Variants in TENM1 observed in about 807,000 individuals in gnomAD.
TENM1 encodes teneurin transmembrane protein 1.
A neutral mutation model predicts 174.8 loss-of-function variants in TENM1; 35 were observed. The ratio of observed to expected loss-of-function variants is 0.20; its 90% CI spans 0.15 to 0.27. The LOEUF (loss-of-function observed/expected upper bound fraction) is 0.27. Ranked by LOEUF, TENM1 falls within the 10% of genes least tolerant of loss-of-function variation. The probability of loss-of-function intolerance (pLI) is 1.00; values close to 1 mark genes in which losing one functional copy is unlikely to be tolerated. For missense variants in TENM1, 1,633 were observed against 2,130.1 expected (o/e 0.77, Z 4.59); for synonymous variants, 781 against 798.7 (o/e 0.98, Z 0.37).
chrX:125,048,206 C>T, the TENM1 span, among the ~76,000 whole-genome samples: 1 of 108,733 alleles, frequency 9.2e-6, no homozygotes, highest in African/African-American at 3.4e-5. Flanking sequence ...TTCCCCTTTG[C>T]CTTTAGGAGT....
chrX:124,515,382 C>T (rs1802510539), intron 18 of TENM1, among the ~76,000 whole-genome samples: 1 of 111,297 alleles, frequency 9.0e-6, no homozygotes, highest in African/African-American at 3.3e-5. Context: ...TAAAAGGCAT[C>T]CAAATAGGAA....
intron 6 of TENM1, among the ~76,000 whole-genome samples, chrX:124,660,823 T>G (rs111816300): frequency 0.013 from 1,492 of 112,124 alleles, 25 homozygotes; most frequent in African/African-American, 0.045. Context: ...TGAAGAACTG[T>G]TAAACATAAA....
At chrX:125,067,814 T>C in the TENM1 span, among the ~76,000 whole-genome samples, 2 of 112,180 alleles carry the variant, frequency 1.8e-5, no homozygotes, top group African/African-American at 3.2e-5. Flanking sequence ...CTAATTCAAC[T>C]CTTTATACTC....
At chrX:124,389,992 G>A (rs180763111) in intron 28 of TENM1, among the ~76,000 whole-genome samples, 179 of 111,652 alleles carry the variant, frequency 1.6e-3, no homozygotes, top group African/African-American at 5.6e-3. Context: ...CAAATAAGCT[G>A]GTTTGTCTCA....
At chrX:125,017,173 G>A in the TENM1 span, among the ~76,000 whole-genome samples, 3 of 111,965 alleles carry the variant, frequency 2.7e-5, no homozygotes, top group Non-Finnish European at 3.8e-5. Context: ...TCATGGCTAA[G>A]ACACCAAAAG....
intron 21 of TENM1, among the ~76,000 whole-genome samples, chrX:124,484,840 A>AT (rs11378666): frequency 0.088 from 9,692 of 109,880 alleles, 605 homozygotes; most frequent in African/African-American, 0.2. Context: ...TGTAAGCACT[A>AT]TTTTTTTTCC....
intron 5 of TENM1, among the ~76,000 whole-genome samples, chrX:124,675,085 G>A (rs192845704): frequency 0.051 from 5,683 of 111,587 alleles, 343 homozygotes; most frequent in African/African-American, 0.17. Flanking sequence ...GACAGATAAA[G>A]AGGTATGGGC....
intron 23 of TENM1, among the ~76,000 whole-genome samples, chrX:124,423,200 C>A (rs1486100758): frequency 8.9e-6 from 1 of 112,290 alleles, no homozygotes. Flanking sequence ...TGCAACAGGA[C>A]CTGCTATTAG....
Position 124,376,573 on chromosome X carries a change from AGTATTTTCAGTTACT to A in TENM1, c.*3948_*3962del, listed in dbSNP as rs1409489087. The A allele has an allele frequency of 9.8e-5, 11 of 112,155 alleles. No homozygotes were observed. In the Admixed American group the frequency reaches 1.0e-3, roughly 11 times the overall value. 9.2% of individuals were successfully genotyped at this position (112,155 alleles called of 1,213,427 possible). On this transcript the variant is annotated 3_prime_UTR_variant, in exon 32 of 32. Coordinates refer to ENST00000422452, the Ensembl canonical transcript of TENM1. ...AAAATCCACAGCAAGTTTAACTCTA[AGTATTTTCAGTTACT>A]GTTTAGAAAGTAATTTCTTCTTATG...
At position 124,915,020 on chromosome X, in the gene TENM1, A is replaced by C. The variant is rs137957472; in HGVS notation, c.218-18779T>G. ...AATACGCCATCCTACTTTTCACCTCATGACATTTGTGCATGTTGTTCCTCT... is the reference window on the plus strand; with the variant it reads ...AATACGCCATCCTACTTTTCACCTCCTGACATTTGTGCATGTTGTTCCTCT... On this transcript the variant is annotated intron_variant, in intron 1 of 31. Transcript: ENST00000422452. 1.4e-4 allele frequency among the ~76,000 whole-genome samples: 16 copies of C among 111,354 alleles called. No individual in the cohort carries two copies. The South Asian group carries it at 3.4e-3, about 24-fold the overall frequency.
At chrX:124,577,388 G>A (rs1443329836) in intron 11 of TENM1, among the ~76,000 whole-genome samples, 3 of 110,227 alleles carry the variant, frequency 2.7e-5, no homozygotes, top group Non-Finnish European at 5.7e-5. Context: ...GCATGACAGG[G>A]GAGAAAAGAA....
intron 1 of TENM1, among the ~76,000 whole-genome samples, chrX:124,921,638 C>G (rs1207853947): frequency 9.0e-6 from 1 of 111,464 alleles, no homozygotes; most frequent in African/African-American, 3.2e-5. Flanking sequence ...TATAATCCTT[C>G]TCACTTCTCT....
chrX:124,628,964 C>T (rs1030545727), intron 11 of TENM1, among the ~76,000 whole-genome samples: 13 of 111,812 alleles, frequency 1.2e-4, no homozygotes, highest in African/African-American at 4.2e-4. Flanking sequence ...TGGCTCCCAC[C>T]GTGTACTATA....
chrX:124,665,957 A>G (rs1037518343), intron 6 of TENM1, among the ~76,000 whole-genome samples: 4 of 110,395 alleles, frequency 3.6e-5, no homozygotes, highest in East Asian at 2.8e-4. Flanking sequence ...TTGAAAGCCA[A>G]CTCCCTTATT....
At chrX:125,145,210 G>A in the TENM1 span, among the ~76,000 whole-genome samples, 1 of 111,668 alleles carries the variant, frequency 9.0e-6, no homozygotes, top group Non-Finnish European at 1.9e-5. Flanking sequence ...GCATTTCACA[G>A]CAGCCAGAAC....
intron 6 of TENM1, among the ~76,000 whole-genome samples, chrX:124,670,146 T>C (rs989945296): frequency 2.7e-5 from 3 of 112,114 alleles, no homozygotes; most frequent in Non-Finnish European, 5.6e-5. Context: ...ATTTTAGCCA[T>C]CATCATCAAC....
intron 6 of TENM1, among the ~76,000 whole-genome samples, chrX:124,655,906 AT>A (rs1451525976): frequency 4.5e-5 from 5 of 111,871 alleles, no homozygotes; most frequent in African/African-American, 1.6e-4. Flanking sequence ...TAAAGGGCTG[AT>A]TATACATTTA....
chrX:124,701,143 C>T (rs1386445117), intron 5 of TENM1, among the ~76,000 whole-genome samples: 1 of 111,370 alleles, frequency 9.0e-6, no homozygotes, highest in Admixed American at 9.6e-5. Context: ...ATTTCATCTG[C>T]ACAGTTGGAA....
the TENM1 span, among the ~76,000 whole-genome samples, chrX:125,040,339 C>T: frequency 9.0e-6 from 1 of 110,875 alleles, no homozygotes; most frequent in Non-Finnish European, 1.9e-5. Flanking sequence ...CCCCACAAAA[C>T]CTGGATATTT....
Sources: gnomAD v4.1 joint callset for allele counts (sites outside exome capture counted in the v4.1 genomes callset) on GRCh38, gnomAD v4.1.1 for gene constraint, MANE v1.5 for transcripts, NCBI Gene and HGNC (gene_info 2026-07-23, HGNC 2026-07-21) for gene names.